Variants in STAG1 observed in about 807,000 individuals in gnomAD.
The protein encoded by STAG1 is STAG1 cohesin complex component, also known as cohesin subunit SA-1.
STAG1 carries 26 observed loss-of-function variants against 170.9 expected under a neutral mutation model. The ratio of observed to expected loss-of-function variants is 0.15; its 90% confidence interval spans 0.11 to 0.21. The LOEUF is 0.21. Ranked by LOEUF, STAG1 falls within the 10% of genes least tolerant of loss-of-function variation. The probability of loss-of-function intolerance (pLI) is 1.00; values close to 1 mark genes in which losing one functional copy is unlikely to be tolerated. For missense variants in STAG1, 964 were observed against 1,509.5 expected (o/e 0.64, Z 5.99); for synonymous variants, 514 against 497.7 (o/e 1.03, Z -0.44).
At chr3:136,661,175 G>A (rs1010109127) in intron 1 of STAG1, among the ~76,000 whole-genome samples, 1 of 152,160 alleles carries the variant, frequency 6.6e-6, no homozygotes, top group Admixed American at 6.5e-5. Context: ...TTGAAGTATT[G>A]TTGTATTCAT....
At chr3:136,702,075 AAGAGAGAGAGAGAGAGAG>A (rs745623191) in intron 1 of STAG1, among the ~76,000 whole-genome samples, 93 of 92,214 alleles carry the variant, frequency 1.0e-3, no homozygotes, top group Middle Eastern at 6.4e-3. Flanking sequence ...ACCATGCCGA[AAGAGAGAGAGAGAGAGAG>A]AGAGAGAGAG....
At chr3:136,533,880 T>C (rs1935496823) in intron 6 of STAG1, among the ~76,000 whole-genome samples, 2 of 151,868 alleles carry the variant, frequency 1.3e-5, no homozygotes, top group African/African-American at 2.4e-5. Context: ...GAAAAAACAA[T>C]CCTAAAGTGT....
At chr3:136,490,791 A>G (rs2090111552) in intron 9 of STAG1, among the ~76,000 whole-genome samples, 1 of 152,230 alleles carries the variant, frequency 6.6e-6, no homozygotes, top group South Asian at 2.1e-4. Context: ...AGACTCAACT[A>G]GTCTTAAAGA....
chr3:136,374,200 C>G (rs575742138), intron 23 of STAG1, among the ~76,000 whole-genome samples: 1 of 152,214 alleles, frequency 6.6e-6, no homozygotes, highest in Non-Finnish European at 1.5e-5. Flanking sequence ...CTTGGTAGAT[C>G]TTCCTCCATC....
intron 1 of STAG1, among the ~76,000 whole-genome samples, chr3:136,632,520 C>T (rs1377880423): frequency 6.6e-6 from 1 of 152,052 alleles, no homozygotes; most frequent in Non-Finnish European, 1.5e-5. Context: ...TGAAGAGATT[C>T]CCAGCTGGCA....
chr3:136,537,963 C>T (rs1935719693), intron 6 of STAG1, among the ~76,000 whole-genome samples: 1 of 151,950 alleles, frequency 6.6e-6, no homozygotes, highest in Admixed American at 6.6e-5. Flanking sequence ...AAAAGTAAAG[C>T]CATGAAAATC....
In STAG1 at chr3:136,403,563, A is replaced by C. The variant is rs1235464761; in HGVS notation, c.2197-4734T>G. Among the ~76,000 whole-genome samples the C allele has an allele frequency of 2.0e-5, 3 of 152,104 alleles. No homozygotes were observed. In the East Asian group the frequency reaches 5.8e-4, roughly 29 times the overall value. ...ATGAGGTCTGAATGGAAAAGACAAGATTTGAATTTGAAACAACCCTATCTG... is the reference window on the plus strand; with the variant it reads ...ATGAGGTCTGAATGGAAAAGACAAGCTTTGAATTTGAAACAACCCTATCTG... On this transcript the variant is annotated intron_variant, in intron 21 of 33. Transcript: ENST00000383202.
At chr3:136,418,360 C>CAAAAAAAAAAAAAAAAAAA (rs767401141) in intron 20 of STAG1, among the ~76,000 whole-genome samples, 5 of 49,764 alleles carry the variant, frequency 1.0e-4, no homozygotes, top group African/African-American at 3.2e-4. Context: ...ACTCTGTCTC[C>CAAAAAAAAAAAAAAAAAAA]AAAAAAAAAA....
intron 1 of STAG1, among the ~76,000 whole-genome samples, chr3:136,652,013 C>T (rs981858853): frequency 6.6e-6 from 1 of 152,174 alleles, no homozygotes; most frequent in Non-Finnish European, 1.5e-5. Flanking sequence ...GAAAACATCA[C>T]AGCAGAAAGT....
rs71134408 is a variant in STAG1, at chr3:136,747,093, TAA to T, written c.-84+5100_-84+5101del. ...CCTGGGCAACAAGAGTGAAACTGTC[TAA>T]AAAAAAAAAAAAAAAAAAAAAAAAA... is the stretch of plus-strand genomic sequence containing the variant. On this transcript the variant is annotated intron_variant, in intron 1 of 33. Coordinates refer to ENST00000383202, the MANE Select transcript of STAG1 (RefSeq NM_005862.3). Among the ~76,000 whole-genome samples the T allele has an allele frequency of 2.4e-4, 14 of 59,322 alleles. No homozygotes were observed. The East Asian group carries it at 3.6e-3, about 15-fold the overall frequency. The allele number at this position is 59,322 out of a possible 152,430, so 38.9% of individuals were successfully genotyped here. A position where few individuals can be genotyped will look rare whatever the true frequency, so the allele number is the denominator to read the frequency against.
At chr3:136,609,402 T>C (rs1340210316) in intron 3 of STAG1, 2 of 148,590 alleles carry the variant, frequency 1.3e-5, no homozygotes, top group East Asian at 3.9e-4. Context: ...TGTATATAAA[T>C]ATTTATAGAT....
intron 5 of STAG1, among the ~76,000 whole-genome samples, chr3:136,553,630 C>T (rs1345045098): frequency 6.6e-6 from 1 of 152,032 alleles, no homozygotes; most frequent in South Asian, 2.1e-4. Flanking sequence ...AAAAATTAGC[C>T]GGGTGTGGTG....
chr3:136,609,422 T>TATACACACACAC (rs1939142849), intron 3 of STAG1: 1 of 148,742 alleles, frequency 6.7e-6, no homozygotes. Flanking sequence ...TACATATATA[T>TATACACACACAC]ATATATACAC....
At chr3:136,520,458 G>A (rs1934617153) in intron 7 of STAG1, among the ~76,000 whole-genome samples, 1 of 151,872 alleles carries the variant, frequency 6.6e-6, no homozygotes, top group African/African-American at 2.4e-5. Flanking sequence ...ATACACTTAT[G>A]AACACTCAAC....
chr3:136,739,705 T>A (rs1249194393), intron 1 of STAG1, among the ~76,000 whole-genome samples: 6 of 151,628 alleles, frequency 4.0e-5, no homozygotes, highest in Non-Finnish European at 1.5e-5. Flanking sequence ...GCACCTGTAG[T>A]CCCAGCTACT....
At chr3:136,635,232 C>A (rs1484261716) in intron 1 of STAG1, among the ~76,000 whole-genome samples, 1 of 152,106 alleles carries the variant, frequency 6.6e-6, no homozygotes, top group Non-Finnish European at 1.5e-5. Context: ...GAAACATCAG[C>A]AAATCAAAAC....
intron 13 of STAG1, among the ~76,000 whole-genome samples, chr3:136,463,830 T>C (rs1041208551): frequency 6.9e-6 from 1 of 145,174 alleles, no homozygotes; most frequent in African/African-American, 2.5e-5. Context: ...TATTCATATA[T>C]ACATATATAC....
intron 25 of STAG1, among the ~76,000 whole-genome samples, chr3:136,365,058 T>G (rs141412174): frequency 2.0e-5 from 3 of 152,040 alleles, no homozygotes; most frequent in Non-Finnish European, 4.4e-5. Context: ...GAAGAGCAAA[T>G]AGCTATTATA....
intron 8 of STAG1, among the ~76,000 whole-genome samples, chr3:136,502,110 G>A (rs1390818476): frequency 1.3e-5 from 2 of 152,026 alleles, no homozygotes; most frequent in African/African-American, 4.8e-5. Context: ...TTGGGGAGGT[G>A]GAGGTTGCGG....
Sources: gnomAD v4.1 joint callset for allele counts (sites outside exome capture counted in the v4.1 genomes callset) on GRCh38, gnomAD v4.1.1 for gene constraint, MANE v1.5 for transcripts, NCBI Gene and HGNC (gene_info 2026-07-23, HGNC 2026-07-21) for gene names.